Variants in WDFY4 observed in about 807,000 individuals in gnomAD.
WDFY4 encodes WDFY family member 4.
Under a neutral mutation model 351.9 loss-of-function variants are expected in WDFY4, and 169 were observed. The ratio of observed to expected loss-of-function variants is 0.48; its 90% CI spans 0.42 to 0.55. The LOEUF (loss-of-function observed/expected upper bound fraction) is 0.55. Among genes scored for constraint, WDFY4 ranks in the 20% least tolerant of loss-of-function variants. The pLI is 0.00. For synonymous variants in WDFY4, 1,622 were observed against 1,574.6 expected (o/e 1.03, Z -0.71); for missense variants, 3,803 against 3,935.6 (o/e 0.97, Z 0.90).
intron 1 of WDFY4, among the ~76,000 whole-genome samples, chr10:48,702,585 A>C (rs900135035): frequency 6.6e-6 from 1 of 151,904 alleles, no homozygotes; most frequent in Non-Finnish European, 1.5e-5. Context: ...TACTGTAGAG[A>C]GGGATTCTGC....
chr10:48,918,983 A>G (rs947058395), intron 47 of WDFY4, among the ~76,000 whole-genome samples: 1 of 152,228 alleles, frequency 6.6e-6, no homozygotes. Context: ...TGAATCTGAC[A>G]TGTATAAAGC....
At chr10:48,712,861 CTGT>C (rs760458914) in intron 2 of WDFY4, among the ~76,000 whole-genome samples, 2 of 152,160 alleles carry the variant, frequency 1.3e-5, no homozygotes, top group Non-Finnish European at 1.5e-5. Flanking sequence ...CGGAATGTGG[CTGT>C]TAACATCAAA....
chr10:48,819,529 A>G (rs1043865959), intron 32 of WDFY4, among the ~76,000 whole-genome samples: 1 of 152,192 alleles, frequency 6.6e-6, no homozygotes, highest in African/African-American at 2.4e-5. Context: ...ACGGGCTGGG[A>G]GTCAGGAGTC....
chr10:48,902,879 G>A (rs1422753808), intron 47 of WDFY4, among the ~76,000 whole-genome samples: 3 of 152,100 alleles, frequency 2.0e-5, no homozygotes, highest in Non-Finnish European at 4.4e-5. Context: ...GGAGACCAAG[G>A]TGGGCAGACC....
intron 12 of WDFY4, among the ~76,000 whole-genome samples, chr10:48,747,563 C>T (rs1382633824): frequency 3.3e-5 from 5 of 152,152 alleles, no homozygotes; most frequent in Admixed American, 3.3e-4. Flanking sequence ...CTCTGTTCCA[C>T]ACAGTTTCTT....
intron 47 of WDFY4, among the ~76,000 whole-genome samples, chr10:48,912,639 T>C (rs1414309031): frequency 1.3e-5 from 2 of 152,204 alleles, no homozygotes; most frequent in African/African-American, 4.8e-5. Flanking sequence ...CTGAGTAAGG[T>C]GTTGATTTAT....
At chr10:48,787,843 TTC>T (rs1565197731) in intron 20 of WDFY4, among the ~76,000 whole-genome samples, 5 of 140,266 alleles carry the variant, frequency 3.6e-5, no homozygotes, top group African/African-American at 1.6e-4. Context: ...CTTCTTCTTC[TTC>T]TTCTTCTTCT....
rs568018036 is a variant in WDFY4, at chr10:48,822,478, G to A, written c.5923G>A (p.Gly1975Arg). The A allele has an allele frequency of 5.2e-6, 8 of 1,550,866 alleles. No individual in the cohort carries two copies. In the African/African-American group the frequency reaches 8.2e-5, roughly 16 times the overall value. ...TQKLVEKLYS[G>R]MFSADPRHIL... ...GAAGCTGGTGGAGAAGCTGTACAGT[G>A]GGATGTTCTCGGCAGACCCCAGGCA... The change falls in exon 35 of 62, where the codon GGG becomes AGG. Residue 1975 changes from glycine to arginine, a missense_variant. By Grantham distance (125) the Gly-to-Arg change is moderately radical (BLOSUM62 -2). Around this residue, in one of 3 missense-constraint regions of WDFY4, gnomAD observed 3,054 missense variants for 3,148.6 expected, o/e 0.97. Coordinates refer to ENST00000325239, the MANE Select transcript of WDFY4 (RefSeq NM_001394531.1).
At chr10:48,725,101 A>T (rs10776640) in intron 5 of WDFY4, among the ~76,000 whole-genome samples, 1 of 151,944 alleles carries the variant, frequency 6.6e-6, no homozygotes, top group Non-Finnish European at 1.5e-5. Context: ...GACAGGTGAG[A>T]CCTTGGTCAC....
intron 12 of WDFY4, among the ~76,000 whole-genome samples, chr10:48,759,871 C>T (rs1340361206): frequency 6.6e-6 from 1 of 152,188 alleles, no homozygotes; most frequent in African/African-American, 2.4e-5. Context: ...CCAGAGTCCT[C>T]CAAGAGCTGC....
In WDFY4 at chr10:48,826,670, G is replaced by A; in HGVS notation, c.5983-1G>A. ...ATGTGTATGTTTTTTTAATGACACA[G>A]GTCATTGAGACTGCCTCTTCTCAAA... On this transcript the variant is annotated splice_acceptor_variant, in intron 35 of 61. Transcript: ENST00000325239. LOFTEE classifies it high-confidence loss of function. The A allele has an allele frequency of 6.5e-7, 1 of 1,547,316 alleles. No individual in the cohort carries two copies. The highest frequency in any genetic ancestry group is 8.7e-7 in the Non-Finnish European group (1 of 1,143,016).
At chr10:48,916,627 C>CG (rs1471999403) in intron 47 of WDFY4, among the ~76,000 whole-genome samples, 1 of 152,114 alleles carries the variant, frequency 6.6e-6, no homozygotes, top group Non-Finnish European at 1.5e-5. Context: ...ACCAAAAAGT[C>CG]GGGGGAGAAG....
intron 28 of WDFY4, among the ~76,000 whole-genome samples, chr10:48,809,877 AACAC>A (rs988535877): frequency 1.3e-5 from 2 of 152,162 alleles, no homozygotes; most frequent in African/African-American, 4.8e-5. Flanking sequence ...GTCAGCTGAG[AACAC>A]AGGTGGAGCC....
At chr10:48,828,918 G>A in intron 37 of WDFY4, 22 bp downstream of exon 37, 1 of 419,986 alleles carries the variant, frequency 2.4e-6, no homozygotes, top group Non-Finnish European at 3.8e-6. Context: ...TTGTCATTGT[G>A]TGTGTGGGCG....
chr10:48,719,927 C>A, intron 2 of WDFY4, 84 bp from the exon 3 acceptor site: 3 of 1,255,706 alleles, frequency 2.4e-6, no homozygotes. Flanking sequence ...TCAGCTTGGG[C>A]TGGTGAAGGG....
chr10:48,810,222 T>G (rs2067401560), intron 28 of WDFY4, among the ~76,000 whole-genome samples: 1 of 152,224 alleles, frequency 6.6e-6, no homozygotes, highest in African/African-American at 2.4e-5. Context: ...TGTGTAAGTA[T>G]GAATAGTAGT....
intron 39 of WDFY4, among the ~76,000 whole-genome samples, chr10:48,863,662 A>T (rs1286287013): frequency 1.3e-5 from 2 of 151,898 alleles, no homozygotes; most frequent in African/African-American, 2.4e-5. Flanking sequence ...TTACTTTCTA[A>T]TAGTGTCTTT....
chr10:48,836,878 G>A (rs545015365), intron 39 of WDFY4, among the ~76,000 whole-genome samples: 32 of 152,160 alleles, frequency 2.1e-4, no homozygotes, highest in Non-Finnish European at 4.0e-4. Flanking sequence ...GACTGCACAG[G>A]GTGGCCAGCT....
intron 39 of WDFY4, among the ~76,000 whole-genome samples, chr10:48,863,913 G>A: frequency 6.6e-6 from 1 of 152,076 alleles, no homozygotes; most frequent in East Asian, 1.9e-4. Flanking sequence ...GAGCGAAGTG[G>A]GGAAGAGCTC....
Sources: allele counts gnomAD v4.1 joint callset (sites outside exome capture counted in the v4.1 genomes callset), GRCh38; gene constraint gnomAD v4.1.1; regional missense constraint gnomAD v4.1.1; transcripts MANE v1.5; gene names NCBI Gene and HGNC (gene_info 2026-07-23, HGNC 2026-07-21).